SCN7A: variants seen among roughly 807,000 people sequenced by gnomAD.
SCN7A encodes sodium channel protein type 7 subunit alpha.
SCN7A carries 138 observed loss-of-function variants against 155.2 expected under a neutral mutation model. That is an observed-to-expected ratio of 0.89 (90% CI 0.77 to 1.02). The LOEUF (loss-of-function observed/expected upper bound fraction) is 1.02. Among genes scored for constraint, SCN7A ranks in the 50% least tolerant of loss-of-function variants. The pLI is 0.00. For missense variants in SCN7A, 2,058 were observed against 1,986.6 expected (o/e 1.04, Z -0.68); for synonymous variants, 693 against 649.0 (o/e 1.07, Z -1.03).
chr2:166,472,057 C>T (rs1171116394), intron 6 of SCN7A, among the ~76,000 whole-genome samples: 2 of 151,788 alleles, frequency 1.3e-5, no homozygotes, highest in Admixed American at 6.6e-5. Flanking sequence ...TGGTGTGCTG[C>T]ACCCATCAAC....
Position 166,443,578 on chromosome 2 carries a change from C to A in SCN7A, c.1725G>T (p.Met575Ile). The A allele has an allele frequency of 6.3e-7, 1 of 1,589,540 alleles. No individual in the cohort carries two copies. The highest frequency in any genetic ancestry group is 1.2e-5 in the South Asian group (1 of 86,924). Residue 575 changes from methionine (M) to isoleucine (I), a missense_variant, in exon 14 of 26, where the codon ATG (methionine) becomes ATT (isoleucine). By Grantham distance (10) the Met-to-Ile change is conservative (BLOSUM62 1). Coordinates refer to ENST00000643258, the MANE Select transcript of SCN7A (RefSeq NM_002976.4). ...FQVGWNIFDS[M>I]IVFHGLIELC... Reference sequence around the variant, plus strand: ...GTTCTATTAAACCATGGAACACTATCATGCTATCAAAAATGTTCCAACCTA... The same window carrying A: ...GTTCTATTAAACCATGGAACACTATAATGCTATCAAAAATGTTCCAACCTA...
At chr2:166,473,995 A>C (rs1489768515) in intron 4 of SCN7A, 107 bp from the exon 5 acceptor site, 5 of 578,948 alleles carry the variant, frequency 8.6e-6, no homozygotes, top group Non-Finnish European at 1.5e-5. Context: ...ATTGAACAAC[A>C]ATGGGCATTA....
chr2:166,475,260 T>A (rs1329284842), intron 3 of SCN7A, among the ~76,000 whole-genome samples: 1 of 148,112 alleles, frequency 6.8e-6, no homozygotes, highest in East Asian at 1.9e-4. Flanking sequence ...TCTAAAAGAG[T>A]GTATTTTATA....
intron 23 of SCN7A, among the ~76,000 whole-genome samples, chr2:166,410,986 C>T (rs1007450259): frequency 5.3e-5 from 8 of 151,882 alleles, no homozygotes; most frequent in Non-Finnish European, 7.4e-5. Context: ...GACACCAGTT[C>T]GAAGCCTAGA....
intron 23 of SCN7A, among the ~76,000 whole-genome samples, 175 bp from the exon 24 acceptor site, chr2:166,410,499 A>G (rs1455286718): frequency 6.6e-6 from 1 of 152,052 alleles, no homozygotes; most frequent in Non-Finnish European, 1.5e-5. Context: ...AAAATCCATA[A>G]AAAGCACATA....
At chr2:166,481,906 G>T (rs937233959) in intron 2 of SCN7A, among the ~76,000 whole-genome samples, 1 of 152,128 alleles carries the variant, frequency 6.6e-6, no homozygotes, top group African/African-American at 2.4e-5. Flanking sequence ...GAAGCCAGAA[G>T]AGATTTGGCT....
intron 2 of SCN7A, 73 bp downstream of exon 2, chr2:166,486,783 T>C (rs769423700): frequency 2.0e-5 from 3 of 152,238 alleles, no homozygotes; most frequent in Non-Finnish European, 4.4e-5. Context: ...TTACATTTTC[T>C]TGTTTGTTTT....
At position 166,406,068 on chromosome 2, in the gene SCN7A, C is replaced by T; in HGVS notation, c.4561G>A (p.Val1521Ile). Reference sequence around the variant, plus strand: ...CTATCAGGATCAAACCTTTTCCATACCTGAAAGAATTTCCTAAAATCATCT... The same window carrying T: ...CTATCAGGATCAAACCTTTTCCATATCTGAAAGAATTTCCTAAAATCATCT... ...SEDDFRKFFQ[V>I]WKRFDPDRTQ... Residue 1521 changes from valine to isoleucine, a missense_variant, in exon 26 of 26, where the codon GTA becomes ATA. Physicochemically the swap from Val to Ile is conservative, Grantham distance 29. Transcript: ENST00000643258. 1.9e-6 allele frequency: 3 copies of T among 1,612,678 alleles called. No homozygotes were observed. The highest frequency in any genetic ancestry group is 2.5e-6 in the Non-Finnish European group (3 of 1,179,254).
chr2:166,423,736 T>G (rs977146079), intron 18 of SCN7A, among the ~76,000 whole-genome samples: 3 of 152,092 alleles, frequency 2.0e-5, no homozygotes, highest in African/African-American at 4.8e-5. Flanking sequence ...AATCAGTTAA[T>G]CAAACTTAAC....
intron 2 of SCN7A, among the ~76,000 whole-genome samples, chr2:166,484,401 G>A (rs565524268): frequency 5.3e-5 from 8 of 151,782 alleles, no homozygotes; most frequent in African/African-American, 1.9e-4. Flanking sequence ...GTACCTATGA[G>A]TGTGTATATA....
rs915717239 is a variant in SCN7A, at chr2:166,430,280, G to A, written c.2593-1006C>T. ...AAGCTTTTTTTGCTTTAGTTCTTAC[G>A]TGGTCAGTTGTCAGTAAATCATTAT... On this transcript the variant is annotated intron_variant, in intron 16 of 25. Coordinates refer to ENST00000643258, the MANE Select transcript of SCN7A (RefSeq NM_002976.4). Among the ~76,000 whole-genome samples, 23 of 151,884 alleles carry A rather than the reference G, an allele frequency of 1.5e-4. 1 individual carries two copies. The East Asian group carries it at 3.1e-3, about 20-fold the overall frequency.
intron 14 of SCN7A, 21 bp from the exon 15 acceptor site, chr2:166,441,773 C>A (rs910966236): frequency 1.9e-6 from 3 of 1,551,658 alleles, no homozygotes; most frequent in South Asian, 1.2e-5. Context: ...AATGTAAAAT[C>A]AAGAACAAGA....
intron 11 of SCN7A, 67 bp from the exon 12 acceptor site, chr2:166,447,775 G>A: frequency 2.8e-6 from 3 of 1,063,498 alleles, no homozygotes; most frequent in Non-Finnish European, 4.3e-6. Flanking sequence ...ATAAGAAGGT[G>A]CACAGCCTTG....
At chr2:166,449,172 C>A (rs1237602078) in intron 11 of SCN7A, among the ~76,000 whole-genome samples, 1 of 151,928 alleles carries the variant, frequency 6.6e-6, no homozygotes, top group African/African-American at 2.4e-5. Flanking sequence ...ATAGATGTTT[C>A]CAGTGATCAG....
rs556351441 is a variant in SCN7A, at chr2:166,413,981, G to GTATATATATATA, written c.3415-872_3415-861dup. On this transcript the variant is annotated intron_variant, in intron 21 of 25. Transcript: ENST00000643258. ...CCCCTTTATATATATATGTGTATGT[G>GTATATATATATA]TATATATATATATATATATATAAAT... 4.0e-3 allele frequency among the ~76,000 whole-genome samples: 212 copies of GTATATATATATA among 53,494 alleles called. 14 individuals are homozygous for GTATATATATATA. The highest frequency in any genetic ancestry group is 0.012 in the Middle Eastern group (1 of 82). 35.1% of individuals were successfully genotyped at this position (53,494 alleles called of 152,430 possible). A position where few individuals can be genotyped will look rare whatever the true frequency, so the allele number is the denominator to read the frequency against.
rs752233269 is a variant in SCN7A at position 166,444,823 on chromosome 2, A to G, written c.1565T>C (p.Leu522Pro). The change falls in exon 13 of 26, where the codon CTG becomes CCG. Residue 522 changes from leucine to proline, a missense_variant. Coordinates refer to ENST00000643258, the MANE Select transcript of SCN7A (RefSeq NM_002976.4). ...ACTCATTGGATAATGCTCCAAGGTC[A>G]GAAAACATACGTTTAAAATTATGCA... Reference protein sequence around the residue: ...IICIILNVCFLTLEHYPMSKQ... With the variant: ...IICIILNVCFPTLEHYPMSKQ... 1.2e-6 allele frequency: 2 copies of G among 1,610,008 alleles called. No individual in the cohort carries two copies. Among genetic ancestry groups the G allele is most frequent in the Admixed American group, 3.4e-5 (2 of 59,558 alleles).
rs1447014452 is a variant in SCN7A, at chr2:166,429,266, C to T, written c.2601G>A (p.Lys867=). Residue 867 remains lysine, a synonymous_variant, in exon 17 of 26, where the codon AAG becomes AAA. Coordinates refer to ENST00000643258, the MANE Select transcript of SCN7A (RefSeq NM_002976.4). ...TACTGCATTCAGATGAGCTAGATTG[C>T]TTTATTTTCTAAAAGGTGAAGTCCC... ...SGDGGSKEKI[K]QSSSSECSTV... The T allele has an allele frequency of 1.3e-6, 2 of 1,524,514 alleles. No homozygotes were observed. The highest frequency in any genetic ancestry group is 8.8e-7 in the Non-Finnish European group (1 of 1,133,858). The allele number at this position is 1,524,514 out of a possible 1,614,324, so 94.4% of individuals were successfully genotyped here.
chr2:166,413,291 T>C (rs1701242328), intron 21 of SCN7A, among the ~76,000 whole-genome samples, 170 bp from the exon 22 acceptor site: 1 of 152,086 alleles, frequency 6.6e-6, no homozygotes, highest in Non-Finnish European at 1.5e-5. Flanking sequence ...TAACAACTAT[T>C]TCAAGTACTT....
intron 19 of SCN7A, among the ~76,000 whole-genome samples, chr2:166,422,030 A>G (rs1280416495): frequency 6.6e-6 from 1 of 152,144 alleles, no homozygotes; most frequent in Non-Finnish European, 1.5e-5. Context: ...TTTCATAAGC[A>G]TGAAGGAATC....
Sources: gnomAD v4.1 joint callset for allele counts (sites outside exome capture counted in the v4.1 genomes callset) on GRCh38, gnomAD v4.1.1 for gene constraint, MANE v1.5 for transcripts, NCBI Gene and HGNC (gene_info 2026-07-23, HGNC 2026-07-21) for gene names.